Variants in GOLGA4 observed in about 807,000 individuals in gnomAD.
The protein encoded by GOLGA4 is golgin A4.
A neutral mutation model predicts 265.9 loss-of-function variants in GOLGA4; 169 were observed. The observed-to-expected ratio is 0.64, with a 90% CI of 0.56 to 0.72. The LOEUF is 0.72. GOLGA4 is among the 30% of genes least tolerant of loss of function. The pLI is 0.00. For synonymous variants in GOLGA4, 923 were observed against 855.8 expected, an observed-to-expected ratio of 1.08 and a Z score of -1.37; for missense variants, 2,482 against 2,483.4, an observed-to-expected ratio of 1.00 and a Z score of 0.01.
At chr3:37,345,056 A>G (rs1389531763) in intron 20 of GOLGA4, among the ~76,000 whole-genome samples, 64 of 151,942 alleles carry the variant, frequency 4.2e-4, no homozygotes, top group Admixed American at 4.1e-3. Context: ...CTCTAGACAA[A>G]AACGTTAGCT....
At chr3:37,261,572 C>A (rs1325047812) in intron 2 of GOLGA4, among the ~76,000 whole-genome samples, 2 of 152,182 alleles carry the variant, frequency 1.3e-5, no homozygotes, top group East Asian at 1.9e-4. Flanking sequence ...TATATATACA[C>A]AGTAGATACA....
At chr3:37,246,541 C>T (rs781015926) in intron 1 of GOLGA4, among the ~76,000 whole-genome samples, 22 of 152,124 alleles carry the variant, frequency 1.4e-4, no homozygotes, top group Non-Finnish European at 2.4e-4. Flanking sequence ...CATGACTCCA[C>T]TTAATTGAGG....
At chr3:37,250,083 C>G (rs1344256835) in intron 1 of GOLGA4, 1 of 152,198 alleles carries the variant, frequency 6.6e-6, no homozygotes, top group Non-Finnish European at 1.5e-5. Flanking sequence ...TTTCTGAGTT[C>G]TAACTTACGG....
rs552820899 is a variant in GOLGA4 at position 37,340,512 on chromosome 3, T to C, written c.6472+313T>C. On this transcript the variant is annotated intron_variant, in intron 20 of 23. Coordinates refer to ENST00000361924, the MANE Select transcript of GOLGA4 (RefSeq NM_002078.5). ...AGAATACAATAAATTGGGTGGGGAA[T>C]AATACAATACATTAACTGTAGTCAA... is the stretch of plus-strand genomic sequence containing the variant. 7.3e-4 allele frequency among the ~76,000 whole-genome samples: 111 copies of C among 152,306 alleles called. 1 individual carries two copies. Among genetic ancestry groups the C allele is most frequent in the South Asian group, 4.1e-4 (2 of 4,828 alleles).
chr3:37,329,820 T>C (rs2096984193), intron 16 of GOLGA4, among the ~76,000 whole-genome samples: 1 of 152,214 alleles, frequency 6.6e-6, no homozygotes. Flanking sequence ...TAAATTGTTC[T>C]TGGTTGGGTT....
At chr3:37,245,989 GC>G (rs1560261627) in intron 1 of GOLGA4, among the ~76,000 whole-genome samples, 2 of 152,026 alleles carry the variant, frequency 1.3e-5, no homozygotes. Flanking sequence ...GTGGCCTTAC[GC>G]CTGTAATCCC....
At chr3:37,302,456 G>A in intron 10 of GOLGA4, 124 bp downstream of exon 10, 1 of 819,784 alleles carries the variant, frequency 1.2e-6, no homozygotes, top group Non-Finnish European at 1.9e-6. Context: ...CTCCTAATAA[G>A]ACACCCATCT....
At chr3:37,336,829 A>G (rs2097015121) in intron 17 of GOLGA4, among the ~76,000 whole-genome samples, 1 of 151,996 alleles carries the variant, frequency 6.6e-6, no homozygotes. Context: ...AGAGAAAGAA[A>G]ACTTAATTTT....
In GOLGA4 at chr3:37,325,700, T is replaced by A. The variant is rs750847216; in HGVS notation, c.3814T>A (p.Ser1272Thr). 150 of 1,613,688 alleles carry A rather than the reference T, an allele frequency of 9.3e-5. No homozygotes were observed. Among genetic ancestry groups the A allele is most frequent in the Admixed American group, 1.0e-4 (6 of 59,990 alleles). Reference protein sequence around the residue: ...EALLIKTCTVSELEAQLRQLT... With the variant: ...EALLIKTCTVTELEAQLRQLT... Reference sequence around the variant, plus strand: ...ACTGTTAATTAAAACTTGCACAGTTTCTGAATTAGAAGCACAACTTAGACA... The same window carrying A: ...ACTGTTAATTAAAACTTGCACAGTTACTGAATTAGAAGCACAACTTAGACA... Residue 1272 changes from serine to threonine, a missense_variant, in exon 14 of 24, where the codon TCT becomes ACT. Physicochemically the swap from Ser to Thr is moderately conservative, Grantham distance 58. This residue lies in a region of GOLGA4 where 1,536 missense variants were observed against 1,483.7 expected (regional missense o/e 1.04). Transcript: ENST00000361924.
intron 2 of GOLGA4, chr3:37,276,146 C>T (rs1311376833): frequency 6.2e-7 from 1 of 1,605,758 alleles, no homozygotes; most frequent in African/African-American, 1.3e-5. Context: ...TGCTGCAGCT[C>T]TTCGAACAGG....
chr3:37,362,210 TTTATTTATTTA>T lies in GOLGA4; in HGVS notation c.*33+908_*33+918del, dbSNP rs1305483364. Among the ~76,000 whole-genome samples the T allele has an allele frequency of 5.4e-4, 19 of 35,242 alleles. No homozygotes were observed. The South Asian group carries it at 0.017, about 32-fold the overall frequency. The allele number at this position is 35,242 out of a possible 152,430, so 23.1% of individuals were successfully genotyped here. A position where few individuals can be genotyped will look rare whatever the true frequency, so the allele number is the denominator to read the frequency against. ...GTTCTTTTAAGCTTTTATTTATTTA[TTTATTTATTTA>T]TTTATTTATTTATTTATTATTTTTT... On this transcript the variant is annotated intron_variant, in intron 23 of 23. Transcript: ENST00000361924.
At chr3:37,359,207 T>C (rs1338045969) in intron 22 of GOLGA4, among the ~76,000 whole-genome samples, 2 of 152,188 alleles carry the variant, frequency 1.3e-5, no homozygotes, top group Non-Finnish European at 2.9e-5. Context: ...GACTGGATAT[T>C]CGAGTAGCAC....
intron 17 of GOLGA4, 47 bp downstream of exon 17, chr3:37,335,213 C>A: frequency 1.0e-6 from 1 of 984,104 alleles, no homozygotes; most frequent in South Asian, 1.4e-5. Context: ...AAAACATTGT[C>A]ATTTCTGTGA....
chr3:37,273,769 A>G (rs974167769), intron 2 of GOLGA4, among the ~76,000 whole-genome samples: 4 of 152,202 alleles, frequency 2.6e-5, no homozygotes, highest in Non-Finnish European at 5.9e-5. Context: ...AAAAAGTTTT[A>G]AATGAAAGCA....
At chr3:37,289,211 C>CTT in intron 4 of GOLGA4, 24 bp from the exon 5 acceptor site, 1 of 1,441,824 alleles carries the variant, frequency 6.9e-7, no homozygotes, top group Non-Finnish European at 9.6e-7. Context: ...GTTTAACCAG[C>CTT]TTTTTTTTCT....
At chr3:37,349,248 G>A (rs546685967) in intron 21 of GOLGA4, among the ~76,000 whole-genome samples, 1 of 152,206 alleles carries the variant, frequency 6.6e-6, no homozygotes, top group African/African-American at 2.4e-5. Context: ...ACTTTAAGGC[G>A]TTCACTGTGC....
intron 3 of GOLGA4, among the ~76,000 whole-genome samples, chr3:37,282,482 T>G (rs1000602791): frequency 2.6e-5 from 4 of 152,222 alleles, no homozygotes; most frequent in Non-Finnish European, 4.4e-5. Context: ...CAAGACTCAG[T>G]AAAATTTTGG....
chr3:37,340,325 T>G, intron 20 of GOLGA4, 126 bp downstream of exon 20: 1 of 484,448 alleles, frequency 2.1e-6, no homozygotes, highest in South Asian at 4.1e-5. Context: ...TGATTTTATT[T>G]TTTCTTAATT....
chr3:37,347,489 T>G (rs1322514814), intron 21 of GOLGA4, among the ~76,000 whole-genome samples, 193 bp downstream of exon 21: 1 of 152,200 alleles, frequency 6.6e-6, no homozygotes, highest in Non-Finnish European at 1.5e-5. Flanking sequence ...TTATTACATT[T>G]ATAAAACATT....
Sources: gnomAD v4.1 joint callset for allele counts (sites outside exome capture counted in the v4.1 genomes callset) on GRCh38, gnomAD v4.1.1 for gene constraint, gnomAD v4.1.1 regional missense constraint, MANE v1.5 for transcripts, NCBI Gene and HGNC (gene_info 2026-07-23, HGNC 2026-07-21) for gene names.